TK2: variants seen among roughly 807,000 people sequenced by gnomAD.
The protein encoded by TK2 is thymidine kinase 2.
Under a neutral mutation model 41.9 loss-of-function variants are expected in TK2, and 35 were observed. The observed-to-expected ratio is 0.84, with a 90% CI of 0.64 to 1.11. The LOEUF (loss-of-function observed/expected upper bound fraction) is 1.11. Ranked by LOEUF, TK2 falls within the 50% of genes least tolerant of loss-of-function variation. The pLI is 0.00. For missense variants in TK2, 320 were observed against 351.1 expected (o/e 0.91, Z 0.71); for synonymous variants, 128 against 129.1 (o/e 0.99, Z 0.06).
rs3743711 is a variant in TK2, at chr16:66,509,054, G to C, written c.*2914C>G. On this transcript the variant is annotated 3_prime_UTR_variant, in exon 10 of 10. Coordinates refer to ENST00000544898, the MANE Select transcript of TK2 (RefSeq NM_004614.5). ...GCGCTGATGCCAGGTCATGTGACCCGGTCTATGGGTGGGCACTGCCCTCTT... is the reference window on the plus strand; with the variant it reads ...GCGCTGATGCCAGGTCATGTGACCCCGTCTATGGGTGGGCACTGCCCTCTT... 6.6e-6 allele frequency: 1 copy of C among 152,286 alleles called. No homozygotes were observed. Among genetic ancestry groups the C allele is most frequent in the African/African-American group, 2.4e-5 (1 of 41,418 alleles). 9.4% of individuals were successfully genotyped at this position (152,286 alleles called of 1,614,324 possible).
intron 5 of TK2, among the ~76,000 whole-genome samples, chr16:66,529,313 G>C (rs1184274309): frequency 6.6e-6 from 1 of 152,214 alleles, no homozygotes; most frequent in Non-Finnish European, 1.5e-5. Flanking sequence ...CTGCATGCAT[G>C]GCCCAGCAAT....
chr16:66,512,527 A>G (rs2144335200), intron 9 of TK2, among the ~76,000 whole-genome samples: 1 of 152,312 alleles, frequency 6.6e-6, no homozygotes, highest in East Asian at 1.9e-4. Flanking sequence ...CACGCCTGTG[A>G]TCCCAGAATT....
At position 66,511,436 on chromosome 16, in the gene TK2, G is replaced by C. The variant is rs986862722; in HGVS notation, c.*532C>G. Reference sequence around the variant, plus strand: ...TCCAACCGGAAGAGGCAGGGCGGTGGGGAACAGCTCTCAGGAGGAGGCAGC... The same window carrying C: ...TCCAACCGGAAGAGGCAGGGCGGTGCGGAACAGCTCTCAGGAGGAGGCAGC... On this transcript the variant is annotated 3_prime_UTR_variant, in exon 10 of 10. Coordinates refer to ENST00000544898, the MANE Select transcript of TK2 (RefSeq NM_004614.5). 1.9e-5 allele frequency: 4 copies of C among 212,062 alleles called. No individual in the cohort carries two copies. Among genetic ancestry groups the C allele is most frequent in the African/African-American group, 9.3e-5 (4 of 42,990 alleles). 13.1% of individuals were successfully genotyped at this position (212,062 alleles called of 1,614,324 possible). A position where few individuals can be genotyped will look rare whatever the true frequency, so the allele number is the denominator to read the frequency against.
At chr16:66,550,157 G>A (rs370063192), upstream of TK2, 97 of 1,612,716 alleles carry the variant, frequency 6.0e-5, no homozygotes, top group African/African-American at 1.2e-3. Context: ...CTGGATCCCG[G>A]CGCCTGGCCC....
chr16:66,509,164 T>A lies in TK2; in HGVS notation c.*2804A>T, dbSNP rs1197428154. On this transcript the variant is annotated 3_prime_UTR_variant, in exon 10 of 10. Transcript: ENST00000544898. The stretch of plus-strand genomic sequence containing the variant: ...CTTAGTTATGCCTTGGAAAGGGACA[T>A]TACCAGCATCTGGATTAAAGAGTGG... The A allele has an allele frequency of 6.6e-6, 1 of 152,242 alleles. No homozygotes were observed. The highest frequency in any genetic ancestry group is 2.4e-5 in the African/African-American group (1 of 41,446). The allele number at this position is 152,242 out of a possible 1,614,324, so 9.4% of individuals were successfully genotyped here.
rs1964392732 is a variant in TK2, at chr16:66,509,649, T to G, written c.*2319A>C. On this transcript the variant is annotated 3_prime_UTR_variant, in exon 10 of 10. Coordinates refer to ENST00000544898, the MANE Select transcript of TK2 (RefSeq NM_004614.5). Reference sequence around the variant, plus strand: ...GCAAGGATGAGGTGAGCCCAACATATCTGGAATGTCACTGCCCTGGGTGGC... The same window carrying G: ...GCAAGGATGAGGTGAGCCCAACATAGCTGGAATGTCACTGCCCTGGGTGGC... The G allele has an allele frequency of 6.6e-6, 1 of 152,240 alleles. No homozygotes were observed. Among genetic ancestry groups the G allele is most frequent in the African/African-American group, 2.4e-5 (1 of 41,430 alleles). 9.4% of individuals were successfully genotyped at this position (152,240 alleles called of 1,614,324 possible).
rs994877280 is a variant in TK2, at chr16:66,511,082, C to T, written c.*886G>A. 9 of 152,370 alleles carry T rather than the reference C, an allele frequency of 5.9e-5. No homozygotes were observed. The highest frequency in any genetic ancestry group is 2.2e-4 in the African/African-American group (9 of 41,562). The allele number at this position is 152,370 out of a possible 1,614,324, so 9.4% of individuals were successfully genotyped here. On this transcript the variant is annotated 3_prime_UTR_variant, in exon 10 of 10. Transcript: ENST00000544898. ...GGAAGCCAGGGCTGGCTGCCCCTTG[C>T]CCCAGCTTGGCTCTGGGCAAACCAG...
At chr16:66,545,820 T>C (rs568283694) in intron 2 of TK2, among the ~76,000 whole-genome samples, 2 of 148,328 alleles carry the variant, frequency 1.3e-5, no homozygotes, top group Non-Finnish European at 3.0e-5. Context: ...AGAAACTCCA[T>C]CTCAAAAAAG....
At chr16:66,515,244 G>A (rs939469133) in intron 8 of TK2, among the ~76,000 whole-genome samples, 10 of 151,358 alleles carry the variant, frequency 6.6e-5, no homozygotes, top group Admixed American at 2.0e-4. Flanking sequence ...CAGGGCCTCA[G>A]TTCCTTCAGG....
chr16:66,528,991 T>A lies in TK2; in HGVS notation c.449+3A>T. On this transcript the variant is annotated splice_donor_region_variant and intron_variant, in intron 6 of 9. Coordinates refer to ENST00000544898, the MANE Select transcript of TK2 (RefSeq NM_004614.5). ...AAATTATCAACTATTCAAACTACAGTACCTTCTATACAGGTTTTCTACAAA... is the reference window on the plus strand; with the variant it reads ...AAATTATCAACTATTCAAACTACAGAACCTTCTATACAGGTTTTCTACAAA... The A allele has an allele frequency of 6.2e-7, 1 of 1,613,838 alleles. No homozygotes were observed. The highest frequency in any genetic ancestry group is 8.5e-7 in the Non-Finnish European group (1 of 1,179,754).
chr16:66,530,513 C>A (rs1273155316), intron 5 of TK2, among the ~76,000 whole-genome samples: 1 of 152,208 alleles, frequency 6.6e-6, no homozygotes, highest in Non-Finnish European at 1.5e-5. Context: ...CTGACCAAAG[C>A]TGAACCAATC....
chr16:66,523,984 G>C (rs1405330442), intron 6 of TK2, among the ~76,000 whole-genome samples: 1 of 152,146 alleles, frequency 6.6e-6, no homozygotes, highest in Non-Finnish European at 1.5e-5. Flanking sequence ...TGTGGCTCTG[G>C]CTAAAAATAC....
chr16:66,511,961 T>C lies in TK2; in HGVS notation c.*7A>G. On this transcript the variant is annotated 3_prime_UTR_variant, in exon 10 of 10. Transcript: ENST00000544898. ...TTTTCAGACATGAGCCATAGACCTT[T>C]TGCCTCCTATGGGCAATGCTTCCGA... The C allele has an allele frequency of 1.9e-6, 3 of 1,613,798 alleles. No individual in the cohort carries two copies. Among genetic ancestry groups the C allele is most frequent in the Non-Finnish European group, 2.5e-6 (3 of 1,179,648 alleles).
chr16:66,546,251 A>T (rs893591944), intron 2 of TK2, among the ~76,000 whole-genome samples: 1 of 152,196 alleles, frequency 6.6e-6, no homozygotes, highest in Non-Finnish European at 1.5e-5. Context: ...AATAAAAATA[A>T]AATAAAATAA....
At chr16:66,515,843 G>T (rs916865216) in intron 8 of TK2, among the ~76,000 whole-genome samples, 1 of 152,148 alleles carries the variant, frequency 6.6e-6, no homozygotes, top group Non-Finnish European at 1.5e-5. Flanking sequence ...GGAATGCATC[G>T]TGCTGGCACC....
At chr16:66,542,694 C>A (rs747804636) in intron 2 of TK2, among the ~76,000 whole-genome samples, 71 of 152,132 alleles carry the variant, frequency 4.7e-4, no homozygotes, top group Non-Finnish European at 5.7e-4. Flanking sequence ...TCTACCTATA[C>A]CAAAGACCAA....
Position 66,517,079 on chromosome 16 carries a change from G to A in TK2, c.618+57C>T. 6.7e-7 allele frequency: 1 copy of A among 1,497,492 alleles called. No individual in the cohort carries two copies. Among genetic ancestry groups the A allele is most frequent in the Non-Finnish European group, 9.3e-7 (1 of 1,073,870 alleles). 92.8% of individuals were successfully genotyped at this position (1,497,492 alleles called of 1,614,324 possible). On this transcript the variant is annotated intron_variant, in intron 8 of 9. Transcript: ENST00000544898. The surrounding 1 kb of genome is among the most constrained non-coding windows in gnomAD (Gnocchi z 4.3). ...GGGGTGGGGCCGGGAGAGGAAGCCG[G>A]GTTGGACAGAGGTGGTTTCCCAGTT...
chr16:66,536,829 T>G, intron 4 of TK2, 135 bp downstream of exon 4: 1 of 1,063,710 alleles, frequency 9.4e-7, no homozygotes, highest in Admixed American at 1.7e-5. Context: ...ATTTTCTGCT[T>G]GTCCCTCCCT....
chr16:66,512,411 G>T (rs1964478808), intron 9 of TK2, among the ~76,000 whole-genome samples: 1 of 151,998 alleles, frequency 6.6e-6, no homozygotes, highest in African/African-American at 2.4e-5. Flanking sequence ...TGAATGATTT[G>T]TTTTTTTCCC....
Sources: allele counts gnomAD v4.1 joint callset (sites outside exome capture counted in the v4.1 genomes callset), GRCh38; gene constraint gnomAD v4.1.1; non-coding constraint Gnocchi (gnomAD v3.1); transcripts MANE v1.5; gene names NCBI Gene and HGNC (gene_info 2026-07-23, HGNC 2026-07-21).